The following BRSK2 variants were observed in gnomAD, a reference collection of about 807,000 sequenced individuals.
BRSK2 encodes the protein BR serine/threonine kinase 2.
In BRSK2, 19 loss-of-function variants were observed where a neutral mutation model predicts 83.3. The ratio of observed to expected loss-of-function variants is 0.23; its 90% confidence interval spans 0.16 to 0.33. The LOEUF (loss-of-function observed/expected upper bound fraction) is 0.33, where lower values mean the gene tolerates loss of function less well. BRSK2 is among the 10% of genes least tolerant of loss of function. BRSK2 has a pLI of 1.00. For synonymous variants in BRSK2, 519 were observed against 435.4 expected, an observed-to-expected ratio of 1.19 and a Z score of -2.39; for missense variants, 798 against 1,042.3, an observed-to-expected ratio of 0.77 and a Z score of 3.23.
In BRSK2 at chr11:1,445,927, G is replaced by T; in HGVS notation, c.1226+20G>T. On this transcript the variant is annotated intron_variant, in intron 12 of 19. Coordinates refer to ENST00000528841, the MANE Select transcript of BRSK2 (RefSeq NM_001256627.2). ...CCAGAGGTGTGTGTGCCCCGAGGCTGCTGGGCCTCCCTCCCTGGGCCCTGG... is the reference window on the plus strand; with the variant it reads ...CCAGAGGTGTGTGTGCCCCGAGGCTTCTGGGCCTCCCTCCCTGGGCCCTGG... 6.3e-7 allele frequency: 1 copy of T among 1,590,344 alleles called. No individual in the cohort carries two copies. The highest frequency in any genetic ancestry group is 8.6e-7 in the Non-Finnish European group (1 of 1,166,624).
intron 1 of BRSK2, among the ~76,000 whole-genome samples, chr11:1,398,373 C>T (rs918817250): frequency 6.6e-6 from 1 of 152,162 alleles, no homozygotes; most frequent in African/African-American, 2.4e-5. Context: ...ACGTTGCTGC[C>T]CTGGGTCCGA....
chr11:1,411,067 G>A, intron 1 of BRSK2: 1 of 1,122,846 alleles, frequency 8.9e-7, no homozygotes, highest in Non-Finnish European at 1.1e-6. Flanking sequence ...GATTTGGCAG[G>A]AAGGAGGAGG....
At position 1,447,956 on chromosome 11, in the gene BRSK2, G is replaced by A. The variant is rs1170309022; in HGVS notation, c.1227-1820G>A. The A allele has an allele frequency of 4.1e-5, 52 of 1,267,308 alleles. No homozygotes were observed. The South Asian group carries it at 4.3e-4, about 11-fold the overall frequency. The allele number at this position is 1,267,308 out of a possible 1,614,324, so 78.5% of individuals were successfully genotyped here. On this transcript the variant is annotated intron_variant, in intron 12 of 19. Coordinates refer to ENST00000528841, the MANE Select transcript of BRSK2 (RefSeq NM_001256627.2). The stretch of plus-strand genomic sequence containing the variant: ...CAGGCACATGGGCGGGTCTGGTGGC[G>A]GGCTGGGCTGCAGGGCTCCTGCTGC...
intron 1 of BRSK2, among the ~76,000 whole-genome samples, chr11:1,398,159 C>A (rs998374294): frequency 6.6e-6 from 1 of 152,282 alleles, no homozygotes. Context: ...CCCGGGGAAC[C>A]CTTTGTATGG....
At chr11:1,409,730 G>C (rs1327853791) in intron 1 of BRSK2, 1 of 152,036 alleles carries the variant, frequency 6.6e-6, no homozygotes, top group Non-Finnish European at 1.5e-5. Context: ...TTAAATGCGT[G>C]CTGGCTGTCA....
intron 1 of BRSK2, among the ~76,000 whole-genome samples, chr11:1,391,903 G>A (rs1224467978): frequency 1.3e-5 from 2 of 152,158 alleles, no homozygotes; most frequent in Non-Finnish European, 2.9e-5. Flanking sequence ...ACTCTTCATG[G>A]CATTCTGCTG....
chr11:1,440,412 A>G (rs1851051897), intron 3 of BRSK2, among the ~76,000 whole-genome samples: 2 of 151,988 alleles, frequency 1.3e-5, no homozygotes, highest in Admixed American at 6.5e-5. Flanking sequence ...TGAGGGCCAG[A>G]GCAGGCAGGG....
At chr11:1,404,886 G>T (rs887466497) in intron 1 of BRSK2, among the ~76,000 whole-genome samples, 1 of 152,222 alleles carries the variant, frequency 6.6e-6, no homozygotes, top group East Asian at 1.9e-4. Flanking sequence ...CTGTGGGAGG[G>T]TGGCCGCAGG....
intron 12 of BRSK2, 85 bp downstream of exon 12, chr11:1,445,992 C>G (rs1334337175): frequency 6.7e-7 from 1 of 1,485,426 alleles, no homozygotes; most frequent in African/African-American, 1.4e-5. Flanking sequence ...TACCCATTGG[C>G]CTGGGGTCTC....
chr11:1,451,378 G>A lies in BRSK2; in HGVS notation c.1503G>A (p.Thr501=), dbSNP rs202173156. 135 of 1,612,844 alleles carry A rather than the reference G, an allele frequency of 8.4e-5. 1 individual carries two copies. The highest frequency in any genetic ancestry group is 3.2e-4 in the African/African-American group (24 of 74,946). Reference sequence around the variant, plus strand: ...TTCATCCTGTGTGCACAGTTCCGACGCCGGAGGAGATGTCCAACCTGACAC... The same window carrying A: ...TTCATCCTGTGTGCACAGTTCCGACACCGGAGGAGATGTCCAACCTGACAC... ...RFHRRKLQVP[T]PEEMSNLTPE... is the part of the protein sequence containing the mutation. Residue 501 remains threonine (T), a synonymous_variant, in exon 15 of 20, where the codon ACG becomes ACA. Coordinates refer to ENST00000528841, the MANE Select transcript of BRSK2 (RefSeq NM_001256627.2).
At chr11:1,399,298 G>T (rs574173645) in intron 1 of BRSK2, among the ~76,000 whole-genome samples, 30 of 148,650 alleles carry the variant, frequency 2.0e-4, no homozygotes, top group African/African-American at 7.0e-4. Context: ...GGATAGGATG[G>T]TGGGGTGGTG....
intron 1 of BRSK2, among the ~76,000 whole-genome samples, chr11:1,419,590 A>C (rs1334820005): frequency 6.6e-6 from 1 of 152,208 alleles, no homozygotes; most frequent in African/African-American, 2.4e-5. Flanking sequence ...ATCCTAGCAC[A>C]CTGGTGCAAT....
chr11:1,441,677 T>G (rs557693312), intron 4 of BRSK2, among the ~76,000 whole-genome samples: 4 of 9,136 alleles, frequency 4.4e-4, no homozygotes, highest in Non-Finnish European at 6.9e-4. Context: ...CCCCATTAGC[T>G]GCCCCTCAAG....
rs892897873 is a variant in BRSK2 at position 1,424,131 on chromosome 11, C to T, written c.92-11909C>T. Among the ~76,000 whole-genome samples the T allele has an allele frequency of 8.5e-5, 13 of 152,212 alleles. 1 individual carries two copies. Among genetic ancestry groups the T allele is most frequent in the South Asian group, 2.1e-4 (1 of 4,834 alleles). Reference sequence around the variant, plus strand: ...CTTTTGGGGGTCACCATTCCACCCCCACATCCTCCAGCTGTGATGTGGGGC... The same window carrying T: ...CTTTTGGGGGTCACCATTCCACCCCTACATCCTCCAGCTGTGATGTGGGGC... On this transcript the variant is annotated intron_variant, in intron 1 of 19. Coordinates refer to ENST00000528841, the MANE Select transcript of BRSK2 (RefSeq NM_001256627.2).
At chr11:1,396,425 C>T (rs577765586) in intron 1 of BRSK2, among the ~76,000 whole-genome samples, 42 of 152,318 alleles carry the variant, frequency 2.8e-4, no homozygotes, top group Admixed American at 6.5e-4. Flanking sequence ...CCCGAGTCTG[C>T]GGAGTGACCC....
intron 1 of BRSK2, among the ~76,000 whole-genome samples, chr11:1,393,368 G>A (rs1278327355): frequency 6.6e-6 from 1 of 152,092 alleles, no homozygotes; most frequent in East Asian, 1.9e-4. Flanking sequence ...GGAGAACCTC[G>A]GGCCCTTGGA....
At chr11:1,410,981 G>C (rs1028701692) in intron 1 of BRSK2, 3 of 982,520 alleles carry the variant, frequency 3.1e-6, no homozygotes, top group Non-Finnish European at 2.4e-6. Flanking sequence ...GCCCCGCTGA[G>C]GGGGGCAGGA....
chr11:1,461,132 CG>C lies in BRSK2; in HGVS notation c.*410del. 7.9e-7 allele frequency: 1 copy of C among 1,272,590 alleles called. No individual in the cohort carries two copies. The highest frequency in any genetic ancestry group is 1.1e-6 in the Non-Finnish European group (1 of 929,732). 78.8% of individuals were successfully genotyped at this position (1,272,590 alleles called of 1,614,324 possible). A position where few individuals can be genotyped will look rare whatever the true frequency, so the allele number is the denominator to read the frequency against. ...CCGCGGCAGCTCCTCGCCTCAGCTC[CG>C]CACGGCCCGTGGGAGGAAGGCCAGG... On this transcript the variant is annotated 3_prime_UTR_variant, in exon 20 of 20. Transcript: ENST00000528841.
At chr11:1,443,732 G>T in intron 8 of BRSK2, 97 bp downstream of exon 8, 1 of 1,390,524 alleles carries the variant, frequency 7.2e-7, no homozygotes, top group South Asian at 1.5e-5. Flanking sequence ...CCAGACGTGT[G>T]GGCACCCAGG....
Sources: gnomAD v4.1 joint callset for allele counts (sites outside exome capture counted in the v4.1 genomes callset) on GRCh38, gnomAD v4.1.1 for gene constraint, MANE v1.5 for transcripts, NCBI Gene and HGNC (gene_info 2026-07-23, HGNC 2026-07-21) for gene names.